The following SAAL1 variants were observed in gnomAD, a reference collection of about 807,000 sequenced individuals.
The protein encoded by SAAL1 is protein SAAL1.
A neutral mutation model predicts 59.8 loss-of-function variants in SAAL1; 42 were observed. The observed-to-expected ratio is 0.70, with a 90% CI of 0.55 to 0.91. The LOEUF is 0.91. Among genes scored for constraint, SAAL1 ranks in the 40% least tolerant of loss-of-function variants. The pLI, the probability that SAAL1 is intolerant of heterozygous loss-of-function variation, is 0.00. For missense variants in SAAL1, 542 were observed against 561.1 expected, an observed-to-expected ratio of 0.97 and a Z score of 0.34; for synonymous variants, 191 against 194.3, an observed-to-expected ratio of 0.98 and a Z score of 0.14.
chr11:18,093,459 G>A (rs980663912), intron 3 of SAAL1, among the ~76,000 whole-genome samples: 5 of 152,124 alleles, frequency 3.3e-5, no homozygotes, highest in Non-Finnish European at 5.9e-5. Flanking sequence ...GCCTTGGAAT[G>A]CAACCCCCAA....
chr11:18,103,800 T>G (rs1399199237), intron 1 of SAAL1, among the ~76,000 whole-genome samples: 3 of 152,216 alleles, frequency 2.0e-5, no homozygotes. Flanking sequence ...ACCATAGAGA[T>G]GCGTGACAAT....
At chr11:18,091,531 A>G (rs1848523622) in intron 4 of SAAL1, among the ~76,000 whole-genome samples, 1 of 152,200 alleles carries the variant, frequency 6.6e-6, no homozygotes, top group Non-Finnish European at 1.5e-5. Flanking sequence ...ATCCTGTGAT[A>G]AAACCCTCAT....
chr11:18,103,254 T>C lies in SAAL1; in HGVS notation c.228A>G (p.Val76=), dbSNP rs754628356. Residue 76 remains valine (V), a synonymous_variant, in exon 2 of 12, where the codon GTA becomes GTG. Coordinates refer to ENST00000524803, the MANE Select transcript of SAAL1 (RefSeq NM_138421.3). ...DEEMENEICR[V]WDMSMDEDVA... ...ATACCTCATCCATTGACATATCCCA[T>C]ACTCTGCAAATTTCATTCTCCATTT... is the stretch of plus-strand genomic sequence containing the variant. 6.2e-7 allele frequency: 1 copy of C among 1,612,714 alleles called. No homozygotes were observed. Among genetic ancestry groups the C allele is most frequent in the Non-Finnish European group, 8.5e-7 (1 of 1,178,760 alleles).
chr11:18,103,156 G>T (rs1590293164), intron 2 of SAAL1, 77 bp downstream of exon 2: 1 of 954,518 alleles, frequency 1.0e-6, no homozygotes. Flanking sequence ...CAGAGTGAAG[G>T]ACTGAACCGT....
In SAAL1 at chr11:18,083,573, A is replaced by G. The variant is rs1848432396; in HGVS notation, c.1201T>C (p.Cys401Arg). ...TGAAAAATATTAGAAAGAAATTCACATAAAATATCCTTTAAGATTTTCAAG... is the reference window on the plus strand; with the variant it reads ...TGAAAAATATTAGAAAGAAATTCACGTAAAATATCCTTTAAGATTTTCAAG... ...FHLKILKDIL[C>R]EFLSNIFQAL... Residue 401 changes from cysteine to arginine, a missense_variant, in exon 10 of 12, where the codon TGT becomes CGT. Physicochemically the swap from Cys to Arg is radical, Grantham distance 180. Coordinates refer to ENST00000524803, the MANE Select transcript of SAAL1 (RefSeq NM_138421.3). The G allele has an allele frequency of 2.5e-6, 4 of 1,591,942 alleles. No homozygotes were observed. Among genetic ancestry groups the G allele is most frequent in the African/African-American group, 2.7e-5 (2 of 74,426 alleles).
chr11:18,105,954 C>T lies in SAAL1; in HGVS notation c.88G>A (p.Val30Ile), dbSNP rs780352663. Residue 30 changes from valine (V) to isoleucine (I), a missense_variant, in exon 1 of 12, where the codon GTC (valine) becomes ATC (isoleucine). Transcript: ENST00000524803. ...CCGAAGAGCCAGTGTTTGCTGTAGA[C>T]CGTGCTCCCTATGCAGTCTCCACCG... ...VAGGDCIGST[V>I]YSKHWLFGVL... 1.7e-5 allele frequency: 27 copies of T among 1,608,850 alleles called. No individual in the cohort carries two copies. The East Asian group carries it at 5.1e-4, about 31-fold the overall frequency.
At chr11:18,083,441 A>G (rs1274046868) in intron 10 of SAAL1, 94 bp downstream of exon 10, 2 of 668,852 alleles carry the variant, frequency 3.0e-6, no homozygotes, top group Non-Finnish European at 4.9e-6. Flanking sequence ...CCCAAATTAT[A>G]TATTACTTTC....
chr11:18,098,815 T>A (rs977138800), intron 2 of SAAL1, among the ~76,000 whole-genome samples: 3 of 152,268 alleles, frequency 2.0e-5, no homozygotes, highest in African/African-American at 7.2e-5. Context: ...AATTTTTAAA[T>A]TTAATGGTAA....
Position 18,080,359 on chromosome 11 carries a change from A to C in SAAL1, c.*40T>G, listed in dbSNP as rs770136215. 1.3e-5 allele frequency: 16 copies of C among 1,265,714 alleles called. No individual in the cohort carries two copies. In the South Asian group the frequency reaches 2.0e-4, roughly 16 times the overall value. 78.4% of individuals were successfully genotyped at this position (1,265,714 alleles called of 1,614,324 possible). A position where few individuals can be genotyped will look rare whatever the true frequency, so the allele number is the denominator to read the frequency against. The stretch of plus-strand genomic sequence containing the variant: ...AATTTCAACTGTCAGTGAGAAAAAT[A>C]AAGTTTATTTCTTGTACAGAAGTAA... On this transcript the variant is annotated 3_prime_UTR_variant, in exon 12 of 12. Transcript: ENST00000524803.
Position 18,100,468 on chromosome 11 carries a change from G to A in SAAL1, c.249+2765C>T, listed in dbSNP as rs760855897. On this transcript the variant is annotated intron_variant, in intron 2 of 11. Coordinates refer to ENST00000524803, the MANE Select transcript of SAAL1 (RefSeq NM_138421.3). ...AACTTCTGCGGGCATGGTGGCTCACGCCTGTAATCCCAGCACTTTGGGAGG... is the reference window on the plus strand; with the variant it reads ...AACTTCTGCGGGCATGGTGGCTCACACCTGTAATCCCAGCACTTTGGGAGG... 7.2e-5 allele frequency among the ~76,000 whole-genome samples: 11 copies of A among 152,196 alleles called. No homozygotes were observed. The East Asian group carries it at 9.6e-4, about 13-fold the overall frequency.
Position 18,089,359 on chromosome 11 carries a change from G to A in SAAL1, c.741C>T (p.Pro247=), listed in dbSNP as rs1300700910. ...SEEQPVFRLV[P]CILEAAKQVR... is the part of the protein sequence containing the mutation. ...CTTGTTTGGCAGCTTCAAGTATACA[G>A]GGCACAAGCCGAAACACTGGCTGCT... is the stretch of plus-strand genomic sequence containing the variant. Residue 247 remains proline, a synonymous_variant, in exon 7 of 12, where the codon CCC becomes CCT. Coordinates refer to ENST00000524803, the MANE Select transcript of SAAL1 (RefSeq NM_138421.3). The A allele has an allele frequency of 6.3e-7, 1 of 1,583,152 alleles. No homozygotes were observed. Among genetic ancestry groups the A allele is most frequent in the Admixed American group, 2.0e-5 (1 of 50,276 alleles).
Position 18,106,062 on chromosome 11 carries a change from T to C in SAAL1, c.-21A>G. 6.3e-7 allele frequency: 1 copy of C among 1,588,060 alleles called. No homozygotes were observed. The highest frequency in any genetic ancestry group is 1.7e-5 in the Admixed American group (1 of 57,710). Reference sequence around the variant, plus strand: ...TCCATGACTTTGTCGCGTCCCGCGCTTGAAGGCCGTGCCGGAAGCTGCGGA... The same window carrying C: ...TCCATGACTTTGTCGCGTCCCGCGCCTGAAGGCCGTGCCGGAAGCTGCGGA... On this transcript the variant is annotated 5_prime_UTR_variant, in exon 1 of 12. Coordinates refer to ENST00000524803, the MANE Select transcript of SAAL1 (RefSeq NM_138421.3).
At chr11:18,095,941 G>A (rs913057022) in intron 3 of SAAL1, among the ~76,000 whole-genome samples, 6 of 152,234 alleles carry the variant, frequency 3.9e-5, no homozygotes, top group African/African-American at 1.4e-4. Context: ...GACAGCATGA[G>A]ACAGGGAGTA....
At position 18,105,983 on chromosome 11, in the gene SAAL1, ACCT is replaced by A. The variant is rs3830499; in HGVS notation, c.56_58del (p.Glu19del). On this transcript the variant is annotated inframe_deletion, in exon 1 of 12. Transcript: ENST00000524803. ...GCTCCCTATGCAGTCTCCACCGGCC[ACCT>A]CCTCCTCCTCCTCCTTGTCGCGACC... is the stretch of plus-strand genomic sequence containing the variant. The A allele has an allele frequency of 1.9e-4, 285 of 1,536,564 alleles. No homozygotes were observed. Among genetic ancestry groups the A allele is most frequent in the Admixed American group, 5.6e-4 (32 of 57,366 alleles).
chr11:18,105,777 C>A, intron 1 of SAAL1, 130 bp downstream of exon 1: 1 of 1,217,732 alleles, frequency 8.2e-7, no homozygotes, highest in Non-Finnish European at 1.1e-6. Flanking sequence ...GGAGCAAGGT[C>A]CCGCAGCGCA....
chr11:18,105,769 A>C, intron 1 of SAAL1, 138 bp downstream of exon 1: 1 of 1,145,220 alleles, frequency 8.7e-7, no homozygotes, highest in Non-Finnish European at 1.2e-6. Flanking sequence ...AAACGCAAGG[A>C]GCAAGGTCCC....
intron 2 of SAAL1, 29 bp from the exon 3 acceptor site, chr11:18,096,883 A>G (rs1477187768): frequency 4.5e-6 from 5 of 1,110,098 alleles, no homozygotes; most frequent in Non-Finnish European, 6.8e-6. Flanking sequence ...ATTAACTTGG[A>G]TGTTGAATAT....
intron 7 of SAAL1, among the ~76,000 whole-genome samples, chr11:18,088,598 G>C (rs917566083): frequency 2.6e-5 from 4 of 152,196 alleles, no homozygotes; most frequent in Non-Finnish European, 4.4e-5. Context: ...AAAATGTCAG[G>C]AATAAGGGTT....
At chr11:18,105,162 A>T (rs1848674867) in intron 1 of SAAL1, among the ~76,000 whole-genome samples, 1 of 151,922 alleles carries the variant, frequency 6.6e-6, no homozygotes, top group African/African-American at 2.4e-5. Context: ...GCTAGTGGGT[A>T]AGGAAGCTGC....
Sources: allele counts gnomAD v4.1 joint callset (sites outside exome capture counted in the v4.1 genomes callset), GRCh38; gene constraint gnomAD v4.1.1; transcripts MANE v1.5; gene names NCBI Gene and HGNC (gene_info 2026-07-23, HGNC 2026-07-21).